Variants in LOXL2 observed in about 807,000 individuals in gnomAD.
LOXL2 encodes the protein lysyl oxidase like 2, also known as lysyl oxidase homolog 2.
LOXL2 carries 70 observed loss-of-function variants against 93.0 expected under a neutral mutation model. The ratio of observed to expected loss-of-function variants is 0.75; its 90% CI spans 0.62 to 0.92. LOXL2 has a LOEUF of 0.92. Among genes scored for constraint, LOXL2 ranks in the 40% least tolerant of loss-of-function variants. The pLI, the probability that LOXL2 is intolerant of heterozygous loss-of-function variation, is 0.00. For synonymous variants in LOXL2, 438 were observed against 413.2 expected, an observed-to-expected ratio of 1.06 and a Z score of -0.73; for missense variants, 973 against 1,054.9, an observed-to-expected ratio of 0.92 and a Z score of 1.08.
At chr8:23,300,920 T>A (rs1484229702) in intron 12 of LOXL2, among the ~76,000 whole-genome samples, 1 of 152,206 alleles carries the variant, frequency 6.6e-6, no homozygotes, top group Non-Finnish European at 1.5e-5. Flanking sequence ...TCTTTTAAAA[T>A]AAATAACTCT....
intron 5 of LOXL2, chr8:23,332,003 T>C (rs1585353459): frequency 8.2e-6 from 1 of 122,544 alleles, no homozygotes; most frequent in Non-Finnish European, 1.6e-5. Flanking sequence ...GCCATTGCAC[T>C]CCAGCCTGGC....
At chr8:23,319,009 C>T (rs539365318) in intron 8 of LOXL2, among the ~76,000 whole-genome samples, 2 of 152,326 alleles carry the variant, frequency 1.3e-5, no homozygotes, top group South Asian at 4.1e-4. Context: ...TTTCTTAGGC[C>T]CCAAGAAGGA....
intron 9 of LOXL2, among the ~76,000 whole-genome samples, chr8:23,315,333 C>G (rs1326249803): frequency 6.6e-6 from 1 of 152,098 alleles, no homozygotes; most frequent in African/African-American, 2.4e-5. Context: ...GAAGGGTTGC[C>G]TGAAGAATTA....
intron 10 of LOXL2, among the ~76,000 whole-genome samples, chr8:23,305,079 C>T (rs1191954358): frequency 3.9e-5 from 6 of 152,060 alleles, no homozygotes; most frequent in Non-Finnish European, 5.9e-5. Context: ...GTGGAAGTGA[C>T]GACTTTGAGA....
chr8:23,393,439 C>T (rs1322400444), intron 1 of LOXL2, among the ~76,000 whole-genome samples: 18 of 152,162 alleles, frequency 1.2e-4, no homozygotes, highest in Admixed American at 1.2e-3. Context: ...GTCCCAAGAC[C>T]ATTCAATGGG....
intron 1 of LOXL2, among the ~76,000 whole-genome samples, chr8:23,394,016 G>A (rs1258978803): frequency 6.6e-6 from 1 of 152,168 alleles, no homozygotes; most frequent in Non-Finnish European, 1.5e-5. Context: ...CACAGAATGG[G>A]AGAAAATATT....
At position 23,316,987 on chromosome 8, in the gene LOXL2, C is replaced by T. The variant is rs201353287; in HGVS notation, c.1598G>A (p.Gly533Asp). The change falls in exon 9 of 14, where the codon GGC becomes GAC. Residue 533 changes from glycine to aspartate, a missense_variant. By Grantham distance (94) the Gly-to-Asp change is moderately conservative. Coordinates refer to ENST00000389131, the MANE Select transcript of LOXL2 (RefSeq NM_002318.3). ...AACTCCGGCCCCGTACTGCACTCCG[C>T]CCTGGGGGCAGGCCACGTCCTCCCC... Reference protein sequence around the residue: ...HDGEDVACPQGGVQYGAGVAC... With the variant: ...HDGEDVACPQDGVQYGAGVAC... The T allele has an allele frequency of 6.2e-7, 1 of 1,613,846 alleles. No individual in the cohort carries two copies. Among genetic ancestry groups the T allele is most frequent in the Non-Finnish European group, 8.5e-7 (1 of 1,179,886 alleles).
chr8:23,309,535 A>AT (rs1337660024), intron 10 of LOXL2, 133 bp downstream of exon 10: 1 of 1,089,826 alleles, frequency 9.2e-7, no homozygotes, highest in African/African-American at 1.6e-5. Context: ...CAAGCCCCCC[A>AT]CTTAGGAGGA....
intron 6 of LOXL2, among the ~76,000 whole-genome samples, chr8:23,326,602 A>C (rs1005353629): frequency 6.6e-6 from 1 of 152,140 alleles, no homozygotes; most frequent in African/African-American, 2.4e-5. Flanking sequence ...AAAAATACAA[A>C]AATTAGCTGG....
At position 23,368,217 on chromosome 8, in the gene LOXL2, G is replaced by C; in HGVS notation, c.135C>G (p.His45Gln). 1 of 1,614,040 alleles carries C rather than the reference G, an allele frequency of 6.2e-7. No homozygotes were observed. Among genetic ancestry groups the C allele is most frequent in the Non-Finnish European group, 8.5e-7 (1 of 1,180,028 alleles). ...CCACGTTGGCGGGGGCCTGGGGCTGGTGATACTCAGGAGCCGGTTGCTGGA... is the reference window on the plus strand; with the variant it reads ...CCACGTTGGCGGGGGCCTGGGGCTGCTGATACTCAGGAGCCGGTTGCTGGA... ...EYFQQPAPEY[H>Q]QPQAPANVAK... Residue 45 changes from histidine (H) to glutamine (Q), a missense_variant, in exon 2 of 14, where the codon CAC becomes CAG. Coordinates refer to ENST00000389131, the MANE Select transcript of LOXL2 (RefSeq NM_002318.3).
intron 10 of LOXL2, among the ~76,000 whole-genome samples, chr8:23,307,470 T>A (rs894183766): frequency 6.6e-6 from 1 of 151,538 alleles, no homozygotes; most frequent in African/African-American, 2.4e-5. Context: ...GAGCAGGGGG[T>A]TGGGGAGCAG....
intron 3 of LOXL2, among the ~76,000 whole-genome samples, chr8:23,357,364 C>T (rs143543747): frequency 4.9e-4 from 74 of 152,300 alleles, no homozygotes; most frequent in African/African-American, 1.7e-3. Context: ...GCCACTGCGC[C>T]CGGCCTTTTT....
At chr8:23,327,685 C>G (rs73224451) in intron 6 of LOXL2, among the ~76,000 whole-genome samples, 1 of 152,072 alleles carries the variant, frequency 6.6e-6, no homozygotes, top group East Asian at 1.9e-4. Context: ...GTTGAATGAC[C>G]AAGGCTCGCA....
At chr8:23,396,103 G>C (rs997437924) in intron 1 of LOXL2, among the ~76,000 whole-genome samples, 4 of 152,152 alleles carry the variant, frequency 2.6e-5, no homozygotes, top group Non-Finnish European at 4.4e-5. Flanking sequence ...GCAGGATCCT[G>C]AGGTCGGGAG....
chr8:23,319,908 C>G lies in LOXL2; in HGVS notation c.1447G>C (p.Gly483Arg), dbSNP rs986255928. The change falls in exon 8 of 14, where the codon GGA becomes CGA. Residue 483 changes from glycine (G) to arginine (R), a missense_variant. Physicochemically the swap from Gly to Arg is moderately radical, Grantham distance 125. Coordinates refer to ENST00000389131, the MANE Select transcript of LOXL2 (RefSeq NM_002318.3). ...ACCTGGAAGGCGTTGCTGGCGAATC[C>G]CAGGCCCAGCTGGCGGCAGACCACC... ...AMVVCRQLGL[G>R]FASNAFQETW... 3 of 1,613,748 alleles carry G rather than the reference C, an allele frequency of 1.9e-6. No individual in the cohort carries two copies. The highest frequency in any genetic ancestry group is 2.5e-6 in the Non-Finnish European group (3 of 1,179,934).
At chr8:23,331,827 G>A (rs1400510146) in intron 5 of LOXL2, 1 of 152,194 alleles carries the variant, frequency 6.6e-6, no homozygotes, top group East Asian at 1.9e-4. Context: ...TCTGAGGTCA[G>A]GAGTTCAAGA....
chr8:23,312,421 T>C (rs1803333285), intron 9 of LOXL2, among the ~76,000 whole-genome samples: 1 of 136,790 alleles, frequency 7.3e-6, no homozygotes, highest in East Asian at 2.1e-4. Flanking sequence ...GCAAACCGAA[T>C]CCAGCAGCAC....
chr8:23,353,171 G>C (rs4543547), intron 3 of LOXL2, among the ~76,000 whole-genome samples: 92,939 of 151,934 alleles, frequency 0.61, 28,893 homozygotes, highest in African/African-American at 0.72. Context: ...GAGGTTTACT[G>C]AGTAGGGCAT....
chr8:23,306,389 C>T (rs1803229434), intron 10 of LOXL2, among the ~76,000 whole-genome samples: 1 of 152,218 alleles, frequency 6.6e-6, no homozygotes, highest in Non-Finnish European at 1.5e-5. Context: ...GGGGGCAACA[C>T]TCCTGTCCTC....
Sources: gnomAD v4.1 joint callset for allele counts (sites outside exome capture counted in the v4.1 genomes callset) on GRCh38, gnomAD v4.1.1 for gene constraint, MANE v1.5 for transcripts, NCBI Gene and HGNC (gene_info 2026-07-23, HGNC 2026-07-21) for gene names.